BRDT: variants seen among roughly 807,000 people sequenced by gnomAD.
BRDT encodes the protein bromodomain testis associated.
BRDT carries 77 observed loss-of-function variants against 113.9 expected under a neutral mutation model. The ratio of observed to expected loss-of-function variants is 0.68; its 90% CI spans 0.56 to 0.82. BRDT has a LOEUF of 0.82. Among genes scored for constraint, BRDT ranks in the 40% least tolerant of loss-of-function variants. The probability of loss-of-function intolerance (pLI) is 0.00; values close to 1 mark genes in which losing one functional copy is unlikely to be tolerated. For missense variants in BRDT, 1,027 were observed against 1,105.4 expected (o/e 0.93, Z 1.01); for synonymous variants, 358 against 366.5 (o/e 0.98, Z 0.26).
Position 91,976,425 on chromosome 1 carries a change from A to G in BRDT, c.605A>G (p.Gln202Arg), listed in dbSNP as rs906106903. 5.7e-6 allele frequency: 9 copies of G among 1,570,462 alleles called. No individual in the cohort carries two copies. Among genetic ancestry groups the G allele is most frequent in the Non-Finnish European group, 6.9e-6 (8 of 1,162,914 alleles). ...VQGASVNSSSQTAAQVTKGVK... is the reference protein window; with the variant it reads ...VQGASVNSSSRTAAQVTKGVK... ...GGAGCTTCAGTCAACTCCAGTTCAC[A>G]AACTGCGGCCCAAGTAAGTTTGTTG... is the stretch of plus-strand genomic sequence containing the variant. The change falls in exon 5 of 19, where the codon CAA becomes CGA. Residue 202 changes from glutamine (Q) to arginine (R), a missense_variant. Transcript: ENST00000399546.
intron 1 of BRDT, among the ~76,000 whole-genome samples, chr1:91,953,289 C>T (rs888821685): frequency 5.3e-5 from 8 of 152,140 alleles, no homozygotes; most frequent in African/African-American, 1.4e-4. Flanking sequence ...AATCCAAGCT[C>T]TTTAGTTCTA....
intron 1 of BRDT, among the ~76,000 whole-genome samples, chr1:91,959,412 T>G (rs1359848322): frequency 1.8e-5 from 1 of 56,074 alleles, no homozygotes; most frequent in Non-Finnish European, 3.4e-5. Context: ...TTTTTCTCTT[T>G]TTCTTTCTTT....
chr1:92,014,418 TAC>T lies in BRDT; in HGVS notation c.*146_*147del. On this transcript the variant is annotated 3_prime_UTR_variant, in exon 19 of 19. Coordinates refer to ENST00000399546, the MANE Select transcript of BRDT (RefSeq NM_207189.4). ...CTAAAATGATTAAACAGTTTTCACT[TAC>T]ATTTTTAATAGCTATATGCTTATTT... 1.8e-6 allele frequency: 1 copy of T among 560,986 alleles called. No individual in the cohort carries two copies. Among genetic ancestry groups the T allele is most frequent in the East Asian group, 3.4e-5 (1 of 29,546 alleles). The allele number at this position is 560,986 out of a possible 1,614,324, so 34.8% of individuals were successfully genotyped here. A position where few individuals can be genotyped will look rare whatever the true frequency, so the allele number is the denominator to read the frequency against.
At chr1:91,956,770 TC>T (rs1310355958) in intron 1 of BRDT, among the ~76,000 whole-genome samples, 2 of 151,974 alleles carry the variant, frequency 1.3e-5, no homozygotes, top group Non-Finnish European at 2.9e-5. Flanking sequence ...AGACTCTGGC[TC>T]CCCCCCTTTC....
chr1:91,957,925 C>T (rs1681972397), intron 1 of BRDT, among the ~76,000 whole-genome samples: 1 of 152,162 alleles, frequency 6.6e-6, no homozygotes. Flanking sequence ...TCACAACCTT[C>T]ACCTCCCAGA....
At chr1:91,953,313 C>A (rs1681332552) in intron 1 of BRDT, among the ~76,000 whole-genome samples, 1 of 152,150 alleles carries the variant, frequency 6.6e-6, no homozygotes, top group Non-Finnish European at 1.5e-5. Context: ...TGTGCTGTTT[C>A]CTGAGATTGA....
chr1:91,984,675 G>A (rs571034555), intron 12 of BRDT, among the ~76,000 whole-genome samples: 75 of 152,136 alleles, frequency 4.9e-4, no homozygotes, highest in South Asian at 1.7e-3. Flanking sequence ...TGGCTCTGTC[G>A]CCCAGGCTAC....
chr1:91,969,436 C>T (rs559406247), intron 4 of BRDT, among the ~76,000 whole-genome samples: 19 of 151,374 alleles, frequency 1.3e-4, no homozygotes, highest in African/African-American at 4.4e-4. Flanking sequence ...TTAACCAAAT[C>T]TATGAGATAT....
rs890182932 is a variant in BRDT at position 91,999,397 on chromosome 1, G to C, written c.2288-2652G>C. On this transcript the variant is annotated intron_variant, in intron 15 of 18. Transcript: ENST00000399546. ...TGTAAAAATATTTTTCAGAGAGTTG[G>C]ACCCTTGACATACTTCCTAGGCTTT... 5.9e-5 allele frequency among the ~76,000 whole-genome samples: 9 copies of C among 152,168 alleles called. No individual in the cohort carries two copies. In the East Asian group the frequency reaches 1.5e-3, roughly 26 times the overall value.
In BRDT at chr1:91,979,744, A is replaced by C. The variant is rs1557833800; in HGVS notation, c.1274A>C (p.Lys425Thr). Residue 425 changes from lysine to threonine, a missense_variant, in exon 8 of 19, where the codon AAG (lysine) becomes ACG (threonine). Physicochemically the swap from Lys to Thr is moderately conservative, Grantham distance 78 (BLOSUM62 -1). Coordinates refer to ENST00000399546, the MANE Select transcript of BRDT (RefSeq NM_207189.4). Reference sequence around the variant, plus strand: ...GATGAGCGAGTTAAGCGTCTTGCAAAGCTTCAGGAGCAGGTAGTTGATTGT... The same window carrying C: ...GATGAGCGAGTTAAGCGTCTTGCAACGCTTCAGGAGCAGGTAGTTGATTGT... Reference protein sequence around the residue: ...SEDERVKRLAKLQEQLKAVHQ... With the variant: ...SEDERVKRLATLQEQLKAVHQ... The C allele has an allele frequency of 1.2e-6, 2 of 1,604,024 alleles. No homozygotes were observed. The highest frequency in any genetic ancestry group is 8.5e-7 in the Non-Finnish European group (1 of 1,177,436).
chr1:91,988,792 A>G (rs932758328), intron 12 of BRDT, among the ~76,000 whole-genome samples: 1 of 152,134 alleles, frequency 6.6e-6, no homozygotes, highest in Non-Finnish European at 1.5e-5. Context: ...AAATATGTAC[A>G]TTTGTCTTTT....
In BRDT at chr1:91,994,210, A is replaced by G. The variant is rs754555128; in HGVS notation, c.2243A>G (p.Gln748Arg). 1 of 1,612,710 alleles carries G rather than the reference A, an allele frequency of 6.2e-7. No homozygotes were observed. The highest frequency in any genetic ancestry group is 1.1e-5 in the South Asian group (1 of 90,634). Residue 748 changes from glutamine to arginine, a missense_variant, in exon 15 of 19, where the codon CAG (glutamine) becomes CGG (arginine). Gln to Arg is a conservative substitution (Grantham distance 43). Coordinates refer to ENST00000399546, the MANE Select transcript of BRDT (RefSeq NM_207189.4). ...AFNYQELEHL[Q>R]TVKNISPLQI... ...AATTATCAAGAATTAGAACATTTAC[A>G]GACTGTGAAAAACATTTCACCTTTA...
intron 15 of BRDT, among the ~76,000 whole-genome samples, chr1:91,994,825 G>A (rs113393400): frequency 1.2e-3 from 141 of 118,378 alleles, no homozygotes; most frequent in African/African-American, 4.4e-3. Context: ...CCGAGATCCC[G>A]CCACTGCACT....
At chr1:91,950,823 G>C (rs1276769361) in intron 1 of BRDT, 1 of 150,152 alleles carries the variant, frequency 6.7e-6, no homozygotes, top group Non-Finnish European at 1.5e-5. Context: ...TCAGGAGTTT[G>C]AGACCAGCCT....
At chr1:91,965,317 G>T (rs1256485821) in intron 3 of BRDT, among the ~76,000 whole-genome samples, 1 of 152,118 alleles carries the variant, frequency 6.6e-6, no homozygotes, top group African/African-American at 2.4e-5. Flanking sequence ...TTTTGTGCCT[G>T]AATAGCTGTA....
At chr1:91,968,088 A>G (rs1260125375) in intron 3 of BRDT, 58 bp from the exon 4 acceptor site, 3 of 1,557,418 alleles carry the variant, frequency 1.9e-6, no homozygotes, top group African/African-American at 2.7e-5. Context: ...TGAATTTAAA[A>G]CATTTGGTAC....
At chr1:91,956,307 GC>G (rs58057277) in intron 1 of BRDT, among the ~76,000 whole-genome samples, 135,757 of 149,316 alleles carry the variant, frequency 0.91, 61,726 homozygotes, top group East Asian at 0.99. Context: ...GGTTCTTCCT[GC>G]CCCCCCCCAC....
intron 4 of BRDT, 157 bp downstream of exon 4, chr1:91,968,417 T>C (rs978421418): frequency 8.6e-7 from 1 of 1,156,202 alleles, no homozygotes; most frequent in Non-Finnish European, 1.2e-6. Context: ...TGCCAAACCT[T>C]GATCACAAGG....
At chr1:92,004,356 T>A (rs889895157) in intron 16 of BRDT, 58 bp from the exon 17 acceptor site, 26 of 1,281,340 alleles carry the variant, frequency 2.0e-5, no homozygotes, top group Non-Finnish European at 2.5e-5. Context: ...AATGTTTTCT[T>A]CCTTCCAAAA....
Sources: allele counts gnomAD v4.1 joint callset (sites outside exome capture counted in the v4.1 genomes callset), GRCh38; gene constraint gnomAD v4.1.1; transcripts MANE v1.5; gene names NCBI Gene and HGNC (gene_info 2026-07-23, HGNC 2026-07-21).